The following TBC1D5 variants were observed in gnomAD, a reference collection of about 807,000 sequenced individuals.
TBC1D5 encodes TBC1 domain family member 5.
In TBC1D5, 75 loss-of-function variants were observed where a neutral mutation model predicts 100.3. The ratio of observed to expected loss-of-function variants is 0.75; its 90% CI spans 0.62 to 0.91. The LOEUF (loss-of-function observed/expected upper bound fraction) is 0.91. Among genes scored for constraint, TBC1D5 ranks in the 40% least tolerant of loss-of-function variants. The pLI, the probability that TBC1D5 is intolerant of heterozygous loss-of-function variation, is 0.00. For synonymous variants in TBC1D5, 323 were observed against 325.6 expected (o/e 0.99, Z 0.09); for missense variants, 910 against 942.4 (o/e 0.97, Z 0.45).
intron 1 of TBC1D5, among the ~76,000 whole-genome samples, chr3:17,643,666 G>A (rs1484867031): frequency 6.6e-6 from 1 of 152,090 alleles, no homozygotes; most frequent in African/African-American, 2.4e-5. Context: ...AACAATAAAT[G>A]TAGTGGACAA....
Position 17,713,241 on chromosome 3 carries a change from TTTC to T in TBC1D5, c.-101+26099_-101+26101del, listed in dbSNP as rs2074919509. 3.3e-5 allele frequency among the ~76,000 whole-genome samples: 5 copies of T among 151,420 alleles called. No individual in the cohort carries two copies. The South Asian group carries it at 1.0e-3, about 32-fold the overall frequency. Reference sequence around the variant, plus strand: ...TTAAATTATTGTGTTTTTCTTTTCTTTTCTTTTTTTTTTTTTTTGAGATGGAGT... The same window carrying T: ...TTAAATTATTGTGTTTTTCTTTTCTTTTTTTTTTTTTTTTTGAGATGGAGT... On this transcript the variant is annotated intron_variant, in intron 1 of 21. Coordinates refer to ENST00000253692, the Ensembl canonical transcript of TBC1D5.
At chr3:17,735,576 G>C (rs1291598935) in intron 1 of TBC1D5, among the ~76,000 whole-genome samples, 1 of 152,188 alleles carries the variant, frequency 6.6e-6, no homozygotes, top group Non-Finnish European at 1.5e-5. Context: ...GGAACCTTGG[G>C]CCTTACGGTG....
At chr3:17,367,833 T>C in intron 13 of TBC1D5, among the ~76,000 whole-genome samples, 1 of 151,422 alleles carries the variant, frequency 6.6e-6, no homozygotes, top group Non-Finnish European at 1.5e-5. Flanking sequence ...CACACCAGCC[T>C]AGGCAACAGA....
At chr3:17,580,940 T>C (rs1184362854) in intron 2 of TBC1D5, among the ~76,000 whole-genome samples, 2 of 152,232 alleles carry the variant, frequency 1.3e-5, no homozygotes, top group South Asian at 2.1e-4. Flanking sequence ...ATATTTACTG[T>C]ACTGCATCAA....
At chr3:17,671,376 A>C (rs907598677) in intron 1 of TBC1D5, among the ~76,000 whole-genome samples, 2 of 152,186 alleles carry the variant, frequency 1.3e-5, no homozygotes, top group African/African-American at 4.8e-5. Context: ...CAAACCAAAA[A>C]GGCAACCTAA....
chr3:17,304,634 A>T (rs1412204476), intron 14 of TBC1D5, among the ~76,000 whole-genome samples: 1 of 152,150 alleles, frequency 6.6e-6, no homozygotes, highest in African/African-American at 2.4e-5. Context: ...TCAAACTCCT[A>T]GGCTCAAGCA....
chr3:17,712,111 G>A (rs1048111500), intron 1 of TBC1D5, among the ~76,000 whole-genome samples: 1 of 151,634 alleles, frequency 6.6e-6, no homozygotes, highest in African/African-American at 2.4e-5. Context: ...AATTATATAA[G>A]CACCTCATAG....
chr3:17,309,894 C>G (rs80155578), intron 13 of TBC1D5, among the ~76,000 whole-genome samples: 2,817 of 152,144 alleles, frequency 0.019, 85 homozygotes, highest in African/African-American at 0.064. Context: ...ACGATGAAAA[C>G]ATGTAGAATG....
chr3:17,527,234 G>C (rs2096148882), intron 2 of TBC1D5, among the ~76,000 whole-genome samples: 1 of 152,220 alleles, frequency 6.6e-6, no homozygotes. Context: ...ATCTGAGAAA[G>C]TGTAGTCTTA....
At chr3:17,382,340 C>G (rs191518221) in intron 9 of TBC1D5, among the ~76,000 whole-genome samples, 456 of 151,868 alleles carry the variant, frequency 3.0e-3, no homozygotes, top group African/African-American at 0.011. Context: ...GCTTTTAATC[C>G]CTAAATTATA....
chr3:17,181,760 T>C (rs1334082594), intron 19 of TBC1D5, among the ~76,000 whole-genome samples: 3 of 152,180 alleles, frequency 2.0e-5, no homozygotes, highest in African/African-American at 7.2e-5. Flanking sequence ...CCTTGGAAAG[T>C]CCCTCTATAA....
intron 4 of TBC1D5, among the ~76,000 whole-genome samples, chr3:17,407,602 C>T (rs1175087706): frequency 6.6e-6 from 1 of 152,118 alleles, no homozygotes; most frequent in African/African-American, 2.4e-5. Context: ...ATCTTGCATA[C>T]TATGCTTAGA....
intron 2 of TBC1D5, among the ~76,000 whole-genome samples, chr3:17,594,139 T>C (rs2060413336): frequency 6.6e-6 from 1 of 152,168 alleles, no homozygotes; most frequent in Admixed American, 6.5e-5. Flanking sequence ...CCTGGACACT[T>C]TGGGCACCTC....
Position 17,427,924 on chromosome 3 carries a change from C to G in TBC1D5, c.167+526G>C, listed in dbSNP as rs559448033. Among the ~76,000 whole-genome samples the G allele has an allele frequency of 2.6e-5, 4 of 151,954 alleles. No individual in the cohort carries two copies. In the South Asian group the frequency reaches 8.3e-4, roughly 31 times the overall value. On this transcript the variant is annotated intron_variant, in intron 4 of 21. Coordinates refer to ENST00000253692, the Ensembl canonical transcript of TBC1D5. ...AAGTACTAGGTAAAATACATATTTT[C>G]TTAATTAGTATATCCTTTTAAAAAT...
chr3:17,182,036 T>G (rs2125447185), intron 19 of TBC1D5, among the ~76,000 whole-genome samples: 1 of 152,212 alleles, frequency 6.6e-6, no homozygotes, highest in East Asian at 1.9e-4. Flanking sequence ...AAATAATTTC[T>G]TAAGAAGCCA....
At chr3:17,492,609 C>G (rs2095653092) in intron 3 of TBC1D5, among the ~76,000 whole-genome samples, 1 of 151,778 alleles carries the variant, frequency 6.6e-6, no homozygotes, top group Non-Finnish European at 1.5e-5. Context: ...TAATTTTTGT[C>G]TTTTTTAGTA....
intron 3 of TBC1D5, among the ~76,000 whole-genome samples, chr3:17,439,228 C>G (rs2094593442): frequency 1.3e-5 from 2 of 151,994 alleles, no homozygotes. Flanking sequence ...ACATAACTTT[C>G]AATGTTAATA....
intron 18 of TBC1D5, among the ~76,000 whole-genome samples, chr3:17,185,566 AAT>A (rs1298646902): frequency 1.3e-5 from 2 of 152,208 alleles, no homozygotes; most frequent in Non-Finnish European, 2.9e-5. Flanking sequence ...TTAAGAGGGC[AAT>A]CTGGATTTCA....
chr3:17,455,165 T>TAC (rs549322724), intron 3 of TBC1D5, among the ~76,000 whole-genome samples: 424 of 140,814 alleles, frequency 3.0e-3, no homozygotes, highest in South Asian at 0.012. Flanking sequence ...AAAAAAAGTA[T>TAC]ACACACACAC....
Sources: gnomAD v4.1 joint callset for allele counts (sites outside exome capture counted in the v4.1 genomes callset) on GRCh38, gnomAD v4.1.1 for gene constraint, MANE v1.5 for transcripts, NCBI Gene and HGNC (gene_info 2026-07-23, HGNC 2026-07-21) for gene names.